SPHKAP: variants seen among roughly 807,000 people sequenced by gnomAD.
SPHKAP encodes A-kinase anchor protein SPHKAP.
Under a neutral mutation model 137.5 loss-of-function variants are expected in SPHKAP, and 67 were observed. The ratio of observed to expected loss-of-function variants is 0.49; its 90% CI spans 0.40 to 0.60. SPHKAP has a LOEUF of 0.60. SPHKAP is among the 20% of genes least tolerant of loss of function. SPHKAP has a pLI of 0.00. For synonymous variants in SPHKAP, 813 were observed against 785.3 expected (o/e 1.04, Z -0.59); for missense variants, 2,097 against 2,069.3 (o/e 1.01, Z -0.26).
intron 5 of SPHKAP, among the ~76,000 whole-genome samples, chr2:228,024,272 A>G (rs1004899098): frequency 6.6e-6 from 1 of 152,202 alleles, no homozygotes; most frequent in African/African-American, 2.4e-5. Context: ...ATATTGAAAG[A>G]AAGCTGGAAT....
chr2:228,098,962 T>C (rs1698097035), intron 3 of SPHKAP, among the ~76,000 whole-genome samples: 1 of 152,186 alleles, frequency 6.6e-6, no homozygotes, highest in Non-Finnish European at 1.5e-5. Flanking sequence ...TTGTGAATAT[T>C]CTCTCCCATT....
intron 2 of SPHKAP, among the ~76,000 whole-genome samples, chr2:228,123,643 G>A (rs1046982556): frequency 6.6e-6 from 1 of 152,150 alleles, no homozygotes; most frequent in Non-Finnish European, 1.5e-5. Context: ...TCTTGTCCAA[G>A]AGCAATGAAA....
intron 3 of SPHKAP, among the ~76,000 whole-genome samples, chr2:228,036,458 T>C (rs1695600563): frequency 6.6e-6 from 1 of 152,208 alleles, no homozygotes; most frequent in African/African-American, 2.4e-5. Flanking sequence ...GTTCAACCAT[T>C]GTGGAAGACA....
intron 1 of SPHKAP, chr2:228,173,125 C>A: frequency 2.2e-6 from 2 of 927,404 alleles, no homozygotes; most frequent in Non-Finnish European, 2.6e-6. Context: ...CACTGAATGA[C>A]TCACGTATGG....
chr2:228,032,028 C>T (rs12694766), intron 3 of SPHKAP, among the ~76,000 whole-genome samples: 59,072 of 152,042 alleles, frequency 0.39, 12,018 homozygotes, highest in South Asian at 0.51. Context: ...CAAAGCTGGA[C>T]GGAGAATGAC....
At chr2:228,029,857 A>G (rs1695212088) in intron 3 of SPHKAP, among the ~76,000 whole-genome samples, 1 of 152,158 alleles carries the variant, frequency 6.6e-6, no homozygotes, top group African/African-American at 2.4e-5. Flanking sequence ...AGAAAGGCCC[A>G]TTACCTTGCT....
chr2:228,003,471 G>A (rs1298555878), intron 7 of SPHKAP, among the ~76,000 whole-genome samples: 5 of 152,108 alleles, frequency 3.3e-5, no homozygotes, highest in Non-Finnish European at 7.4e-5. Flanking sequence ...GAGCTGAAAC[G>A]ATGGGGTTTT....
At chr2:228,133,147 A>T (rs894455891) in intron 1 of SPHKAP, among the ~76,000 whole-genome samples, 3 of 151,926 alleles carry the variant, frequency 2.0e-5, no homozygotes, top group African/African-American at 7.3e-5. Flanking sequence ...TCTCTCCTAA[A>T]ATACAAAAAA....
rs191777650 is a variant in SPHKAP, at chr2:228,025,125, C to T, written c.441+269G>A. Among the ~76,000 whole-genome samples, 98 of 152,286 alleles carry T rather than the reference C, an allele frequency of 6.4e-4. 3 individuals carry two copies. The highest frequency in any genetic ancestry group is 5.3e-3 in the Admixed American group (81 of 15,288). On this transcript the variant is annotated intron_variant, in intron 5 of 11. Transcript: ENST00000392056. Reference sequence around the variant, plus strand: ...ATTTGTAGAAAACCAAGCTAAGTAACCAATGCCTACTCTATCTGCTCTAGT... The same window carrying T: ...ATTTGTAGAAAACCAAGCTAAGTAATCAATGCCTACTCTATCTGCTCTAGT...
intron 7 of SPHKAP, among the ~76,000 whole-genome samples, chr2:228,002,077 A>G (rs908029010): frequency 2.6e-5 from 4 of 152,174 alleles, no homozygotes; most frequent in Non-Finnish European, 5.9e-5. Flanking sequence ...TCCTTTGGGT[A>G]TATACCCAGT....
rs893910266 is a variant in SPHKAP, at chr2:227,981,051, G to A, written c.*666C>T. ...TCTTTTATCTTCCTCTTCTTCAGTT[G>A]AATGACAATAGTTTTCTGCTTAGCT... On this transcript the variant is annotated 3_prime_UTR_variant, in exon 12 of 12. Transcript: ENST00000392056. 1.3e-4 allele frequency: 20 copies of A among 152,086 alleles called. No individual in the cohort carries two copies. The highest frequency in any genetic ancestry group is 4.8e-4 in the African/African-American group (20 of 41,506). The allele number at this position is 152,086 out of a possible 1,614,324, so 9.4% of individuals were successfully genotyped here.
intron 1 of SPHKAP, chr2:228,169,884 A>G (rs1485890449): frequency 6.6e-6 from 1 of 152,066 alleles, no homozygotes; most frequent in Non-Finnish European, 1.5e-5. Flanking sequence ...TATAGTTGCC[A>G]TACATAGTGA....
At chr2:228,135,780 C>T (rs957009218) in intron 1 of SPHKAP, among the ~76,000 whole-genome samples, 2 of 152,202 alleles carry the variant, frequency 1.3e-5, no homozygotes, top group African/African-American at 4.8e-5. Context: ...AGTTGAGTCA[C>T]ATGGTGGGGC....
chr2:228,096,150 A>T (rs573217093), intron 3 of SPHKAP, among the ~76,000 whole-genome samples: 1 of 152,196 alleles, frequency 6.6e-6, no homozygotes, highest in Non-Finnish European at 1.5e-5. Flanking sequence ...AAAGGAACAT[A>T]GATGTTTGAA....
intron 2 of SPHKAP, among the ~76,000 whole-genome samples, chr2:228,126,750 C>A (rs1699086977): frequency 6.6e-6 from 1 of 152,158 alleles, no homozygotes; most frequent in Non-Finnish European, 1.5e-5. Flanking sequence ...CCTCCCTAAG[C>A]ACACCAAAGT....
intron 3 of SPHKAP, among the ~76,000 whole-genome samples, chr2:228,106,153 A>G (rs1698338588): frequency 6.6e-6 from 1 of 152,148 alleles, no homozygotes; most frequent in Non-Finnish European, 1.5e-5. Context: ...TATGCACACA[A>G]CCCTCTCAAT....
At chr2:228,124,601 G>A (rs1335202185) in intron 2 of SPHKAP, among the ~76,000 whole-genome samples, 1 of 149,908 alleles carries the variant, frequency 6.7e-6, no homozygotes, top group Non-Finnish European at 1.5e-5. Flanking sequence ...GGGGAGGGGG[G>A]AGAGATAGCA....
At chr2:228,067,002 G>GAATTGTCTT (rs1338278869) in intron 3 of SPHKAP, among the ~76,000 whole-genome samples, 1 of 152,204 alleles carries the variant, frequency 6.6e-6, no homozygotes, top group Non-Finnish European at 1.5e-5. Flanking sequence ...AACAGATCCA[G>GAATTGTCTT]AATTGTCTTT....
chr2:227,987,986 C>T (rs1005737422), intron 11 of SPHKAP, among the ~76,000 whole-genome samples: 12 of 152,124 alleles, frequency 7.9e-5, no homozygotes, highest in African/African-American at 2.9e-4. Context: ...TTTCTTTAAC[C>T]TTATCTAAGC....
Sources: gnomAD v4.1 joint callset for allele counts (sites outside exome capture counted in the v4.1 genomes callset) on GRCh38, gnomAD v4.1.1 for gene constraint, MANE v1.5 for transcripts, NCBI Gene and HGNC (gene_info 2026-07-23, HGNC 2026-07-21) for gene names.